Variants in PLXDC2 observed in about 807,000 individuals in gnomAD.
PLXDC2 encodes plexin domain containing 2, also known as plexin domain-containing protein 2.
PLXDC2 carries 40 observed loss-of-function variants against 68.9 expected under a neutral mutation model. That is an observed-to-expected ratio of 0.58 (90% CI 0.45 to 0.76). The LOEUF is 0.76. Ranked by LOEUF, PLXDC2 falls within the 30% of genes least tolerant of loss-of-function variation. The pLI, the probability that PLXDC2 is intolerant of heterozygous loss-of-function variation, is 0.00. For missense variants in PLXDC2, 644 were observed against 661.9 expected (o/e 0.97, Z 0.30); for synonymous variants, 243 against 234.2 (o/e 1.04, Z -0.34).
At position 19,916,346 on chromosome 10, in the gene PLXDC2, G is replaced by T. The variant is rs150987971; in HGVS notation, c.113-85429G>T. The stretch of plus-strand genomic sequence containing the variant: ...TTTTTTTTAGTAGAGATGGGGTTTC[G>T]CCACGTTGGCCAAACTGGTCTTGAA... On this transcript the variant is annotated intron_variant, in intron 1 of 13. Coordinates refer to ENST00000377252, the MANE Select transcript of PLXDC2 (RefSeq NM_032812.9). Among the ~76,000 whole-genome samples, 605 of 128,240 alleles carry T rather than the reference G, an allele frequency of 4.7e-3. 3 individuals are homozygous for T. The highest frequency in any genetic ancestry group is 0.015 in the African/African-American group (556 of 36,740). 84.1% of individuals were successfully genotyped at this position (128,240 alleles called of 152,430 possible).
At chr10:19,993,594 A>G (rs543358875) in intron 1 of PLXDC2, among the ~76,000 whole-genome samples, 9 of 152,026 alleles carry the variant, frequency 5.9e-5, no homozygotes, top group Admixed American at 5.2e-4. Context: ...TGAGTTTTGT[A>G]TTTTTAGTAG....
rs76803147 is a variant in PLXDC2, at chr10:20,132,396, T to G, written c.542-10899T>G. ...AGTCTTGTTCGTGTCTTCTGTATACTTATGGATTGTTTTTGTCTGGATGAC... is the reference window on the plus strand; with the variant it reads ...AGTCTTGTTCGTGTCTTCTGTATACGTATGGATTGTTTTTGTCTGGATGAC... On this transcript the variant is annotated intron_variant, in intron 4 of 13. Transcript: ENST00000377252. Among the ~76,000 whole-genome samples the G allele has an allele frequency of 3.5e-3, 528 of 152,348 alleles. 1 individual carries two copies. The highest frequency in any genetic ancestry group is 5.9e-3 in the Non-Finnish European group (400 of 68,012).
At chr10:20,270,258 C>T (rs1835921209) in intron 13 of PLXDC2, among the ~76,000 whole-genome samples, 1 of 152,026 alleles carries the variant, frequency 6.6e-6, no homozygotes, top group Non-Finnish European at 1.5e-5. Flanking sequence ...TAGAATTTAG[C>T]AATCTTTGTT....
At chr10:20,046,578 AT>A (rs1423693116) in intron 2 of PLXDC2, among the ~76,000 whole-genome samples, 1 of 152,094 alleles carries the variant, frequency 6.6e-6, no homozygotes, top group African/African-American at 2.4e-5. Context: ...TTCAGTAATC[AT>A]TTTATTTTAT....
intron 13 of PLXDC2, among the ~76,000 whole-genome samples, chr10:20,262,145 G>T (rs1835815894): frequency 6.6e-6 from 1 of 152,094 alleles, no homozygotes; most frequent in African/African-American, 2.4e-5. Flanking sequence ...AGAGCCAGGG[G>T]ATCCTCCCCA....
At chr10:19,946,591 C>A (rs1362282322) in intron 1 of PLXDC2, among the ~76,000 whole-genome samples, 1 of 151,676 alleles carries the variant, frequency 6.6e-6, no homozygotes, top group Non-Finnish European at 1.5e-5. Context: ...TGGTCCCTAA[C>A]CTTTATGGCA....
At chr10:20,231,762 T>A (rs915829750) in intron 12 of PLXDC2, among the ~76,000 whole-genome samples, 9 of 152,202 alleles carry the variant, frequency 5.9e-5, no homozygotes, top group Admixed American at 3.9e-4. Context: ...ATGCCTGTAA[T>A]CCTAGCGCTT....
intron 6 of PLXDC2, among the ~76,000 whole-genome samples, chr10:20,159,212 G>A (rs542889929): frequency 2.5e-4 from 38 of 152,114 alleles, no homozygotes; most frequent in Non-Finnish European, 4.6e-4. Context: ...CCTGCATATC[G>A]AAAGGACACT....
At chr10:20,260,910 C>T (rs896848383) in intron 13 of PLXDC2, among the ~76,000 whole-genome samples, 3 of 152,204 alleles carry the variant, frequency 2.0e-5, no homozygotes, top group Non-Finnish European at 2.9e-5. Context: ...GGTGATTTCT[C>T]ATTGTAATTT....
chr10:20,185,194 G>T (rs557910820), intron 9 of PLXDC2, among the ~76,000 whole-genome samples: 10 of 145,316 alleles, frequency 6.9e-5, no homozygotes, highest in African/African-American at 2.6e-4. Context: ...AAAACTATGG[G>T]TATTTTCCAT....
intron 1 of PLXDC2, among the ~76,000 whole-genome samples, chr10:19,913,544 ATTTAC>A (rs1833312620): frequency 6.6e-6 from 1 of 152,138 alleles, no homozygotes; most frequent in Admixed American, 6.6e-5. Flanking sequence ...CAACTCTTTT[ATTTAC>A]AATTATTCGT....
At chr10:19,974,532 G>T (rs2131614620) in intron 1 of PLXDC2, among the ~76,000 whole-genome samples, 2 of 152,348 alleles carry the variant, frequency 1.3e-5, no homozygotes, top group South Asian at 4.1e-4. Flanking sequence ...GTCTGGAAGT[G>T]AAGTCAAGAA....
At chr10:19,967,709 C>G (rs947226765) in intron 1 of PLXDC2, among the ~76,000 whole-genome samples, 3 of 152,114 alleles carry the variant, frequency 2.0e-5, no homozygotes, top group African/African-American at 7.2e-5. Context: ...GTCATGTCCA[C>G]CTTAGCAGCA....
chr10:20,195,567 A>G (rs1245288757), intron 9 of PLXDC2, among the ~76,000 whole-genome samples: 1 of 152,162 alleles, frequency 6.6e-6, no homozygotes, highest in Non-Finnish European at 1.5e-5. Context: ...TCAAAAACAG[A>G]GTAAAGTTTA....
intron 4 of PLXDC2, among the ~76,000 whole-genome samples, chr10:20,130,369 C>T (rs997976267): frequency 6.6e-6 from 1 of 152,088 alleles, no homozygotes; most frequent in Non-Finnish European, 1.5e-5. Context: ...TGTACTTTCA[C>T]TGAATTTGTT....
At chr10:20,163,196 T>G (rs938524123) in intron 6 of PLXDC2, among the ~76,000 whole-genome samples, 1 of 152,204 alleles carries the variant, frequency 6.6e-6, no homozygotes, top group Non-Finnish European at 1.5e-5. Context: ...GACACAAAAT[T>G]TGCAAACACT....
chr10:19,909,030 G>A (rs150051739), intron 1 of PLXDC2, among the ~76,000 whole-genome samples: 149 of 152,238 alleles, frequency 9.8e-4, no homozygotes, highest in African/African-American at 3.3e-3. Flanking sequence ...CCTTATGACT[G>A]TTTCCTATGA....
chr10:19,844,479 TCTTG>T (rs1235959383), intron 1 of PLXDC2, among the ~76,000 whole-genome samples: 1 of 152,082 alleles, frequency 6.6e-6, no homozygotes, highest in Non-Finnish European at 1.5e-5. Context: ...TAGAGGAGGG[TCTTG>T]CTTTTCAAAG....
rs778206675 is a variant in PLXDC2, at chr10:19,816,736, C to T, written c.-344C>T. The T allele has an allele frequency of 1.9e-5, 8 of 417,752 alleles. No individual in the cohort carries two copies. The highest frequency in any genetic ancestry group is 1.3e-4 in the Admixed American group (3 of 23,590). 25.9% of individuals were successfully genotyped at this position (417,752 alleles called of 1,614,324 possible). A position where few individuals can be genotyped will look rare whatever the true frequency, so the allele number is the denominator to read the frequency against. On this transcript the variant is annotated 5_prime_UTR_variant, in exon 1 of 14. Coordinates refer to ENST00000377252, the MANE Select transcript of PLXDC2 (RefSeq NM_032812.9). Reference sequence around the variant, plus strand: ...TCGCTGGGGCTCGGAAGTCACCGTCCGCGGGCACCGGGTTGGCGCTGCCCG... The same window carrying T: ...TCGCTGGGGCTCGGAAGTCACCGTCTGCGGGCACCGGGTTGGCGCTGCCCG...
Sources: allele counts gnomAD v4.1 joint callset (sites outside exome capture counted in the v4.1 genomes callset), GRCh38; gene constraint gnomAD v4.1.1; transcripts MANE v1.5; gene names NCBI Gene and HGNC (gene_info 2026-07-23, HGNC 2026-07-21).